Variants in PRKG1 observed in about 807,000 individuals in gnomAD.
PRKG1 encodes the protein protein kinase cGMP-dependent 1, also known as cGMP-dependent protein kinase 1.
PRKG1 carries 35 observed loss-of-function variants against 88.1 expected under a neutral mutation model. That is an observed-to-expected ratio of 0.40 (90% confidence interval 0.30 to 0.53). The LOEUF (loss-of-function observed/expected upper bound fraction) is 0.53, where lower values mean the gene tolerates loss of function less well. Ranked by LOEUF, PRKG1 falls within the 20% of genes least tolerant of loss-of-function variation. The probability of loss-of-function intolerance (pLI) is 0.59; values close to 1 mark genes in which losing one functional copy is unlikely to be tolerated. For synonymous variants in PRKG1, 303 were observed against 292.5 expected, an observed-to-expected ratio of 1.04 and a Z score of -0.37; for missense variants, 540 against 839.8, an observed-to-expected ratio of 0.64 and a Z score of 4.41.
intron 10 of PRKG1, among the ~76,000 whole-genome samples, chr10:52,268,336 CT>C: frequency 6.6e-6 from 1 of 152,066 alleles, no homozygotes; most frequent in Non-Finnish European, 1.5e-5. Flanking sequence ...CTTTCTGTAG[CT>C]TTTACCTATC....
chr10:52,181,416 CTTCTTTTTTTTTTTT>C (rs1451460401), intron 9 of PRKG1, among the ~76,000 whole-genome samples: 1 of 90,662 alleles, frequency 1.1e-5, no homozygotes, highest in African/African-American at 4.4e-5. Context: ...GCTCACAGCT[CTTCTTTTTTTTTTTT>C]TTTTTTTTTT....
intron 5 of PRKG1, among the ~76,000 whole-genome samples, chr10:52,025,152 C>G (rs748000056): frequency 6.6e-6 from 1 of 152,150 alleles, no homozygotes; most frequent in Admixed American, 6.5e-5. Context: ...CCATTCATAT[C>G]GTTTGCCCAC....
chr10:51,334,191 T>A (rs1390132432), intron 2 of PRKG1, among the ~76,000 whole-genome samples: 1 of 127,808 alleles, frequency 7.8e-6, no homozygotes, highest in Non-Finnish European at 1.7e-5. Flanking sequence ...TCTCTCTCTC[T>A]CACTCACACA....
At chr10:51,645,054 T>C (rs1839883794) in intron 3 of PRKG1, among the ~76,000 whole-genome samples, 1 of 152,166 alleles carries the variant, frequency 6.6e-6, no homozygotes, top group Admixed American at 6.6e-5. Flanking sequence ...ACTCCTGATA[T>C]CAAGTGATCT....
At chr10:51,023,520 A>G (rs1564573547) in intron 1 of PRKG1, among the ~76,000 whole-genome samples, 2 of 152,318 alleles carry the variant, frequency 1.3e-5, no homozygotes, top group Non-Finnish European at 2.9e-5. Context: ...GAAAACTAGA[A>G]GAAATCGTGA....
intron 4 of PRKG1, among the ~76,000 whole-genome samples, chr10:51,855,468 C>T (rs1046361732): frequency 4.6e-5 from 7 of 152,184 alleles, no homozygotes; most frequent in Admixed American, 2.0e-4. Context: ...TGCTGCTCCA[C>T]TCTATGTGAA....
At chr10:51,483,066 G>A (rs1260906874) in intron 3 of PRKG1, among the ~76,000 whole-genome samples, 1 of 133,294 alleles carries the variant, frequency 7.5e-6, no homozygotes, top group Non-Finnish European at 1.5e-5. Context: ...AGGCTGGAAT[G>A]CAGTGATTCA....
intron 3 of PRKG1, among the ~76,000 whole-genome samples, chr10:51,542,579 A>T (rs1426480780): frequency 6.6e-6 from 1 of 152,198 alleles, no homozygotes; most frequent in Non-Finnish European, 1.5e-5. Context: ...TTTTAACTCC[A>T]TGCTGGGGCC....
chr10:50,999,459 C>T (rs192668692), intron 1 of PRKG1, among the ~76,000 whole-genome samples: 226 of 152,320 alleles, frequency 1.5e-3, no homozygotes, highest in African/African-American at 5.3e-3. Flanking sequence ...ATTATCCTCT[C>T]GGACTTATTC....
At chr10:51,958,118 A>G (rs1843357397) in intron 5 of PRKG1, among the ~76,000 whole-genome samples, 1 of 152,172 alleles carries the variant, frequency 6.6e-6, no homozygotes, top group Non-Finnish European at 1.5e-5. Flanking sequence ...CTTTGACTAG[A>G]GCAGATGTTC....
At chr10:51,237,537 C>A (rs1273134236) in intron 2 of PRKG1, among the ~76,000 whole-genome samples, 1 of 152,150 alleles carries the variant, frequency 6.6e-6, no homozygotes, top group Non-Finnish European at 1.5e-5. Context: ...CCAAAGGAAT[C>A]CTTACTATGT....
intron 3 of PRKG1, among the ~76,000 whole-genome samples, chr10:51,650,692 A>G (rs1840018243): frequency 6.6e-6 from 1 of 152,182 alleles, no homozygotes; most frequent in Non-Finnish European, 1.5e-5. Context: ...TAAGTTTGGG[A>G]ATATTTTAGA....
At chr10:51,557,940 A>G (rs114317499) in intron 3 of PRKG1, among the ~76,000 whole-genome samples, 2 of 152,224 alleles carry the variant, frequency 1.3e-5, no homozygotes, top group South Asian at 4.1e-4. Context: ...ATCAATAGAA[A>G]TATTGGATTC....
intron 9 of PRKG1, among the ~76,000 whole-genome samples, chr10:52,174,544 A>T (rs1049636665): frequency 6.6e-6 from 1 of 152,066 alleles, no homozygotes; most frequent in African/African-American, 2.4e-5. Flanking sequence ...TCAAGATGTG[A>T]TTACCGTACT....
At chr10:52,152,671 G>A (rs762950592) in intron 8 of PRKG1, among the ~76,000 whole-genome samples, 1 of 152,102 alleles carries the variant, frequency 6.6e-6, no homozygotes, top group African/African-American at 2.4e-5. Flanking sequence ...AGAGTGACAC[G>A]ATCTGATTTA....
At chr10:52,279,681 C>G (rs572233975) in intron 12 of PRKG1, among the ~76,000 whole-genome samples, 7 of 151,992 alleles carry the variant, frequency 4.6e-5, no homozygotes, top group Non-Finnish European at 8.8e-5. Flanking sequence ...CACCAAAATG[C>G]AAACAGGCAT....
At chr10:52,230,249 A>G (rs1840490181) in intron 9 of PRKG1, among the ~76,000 whole-genome samples, 1 of 152,210 alleles carries the variant, frequency 6.6e-6, no homozygotes, top group African/African-American at 2.4e-5. Context: ...TCTCATACCT[A>G]GATCCCAGCC....
intron 5 of PRKG1, among the ~76,000 whole-genome samples, chr10:52,041,436 C>A (rs1845753444): frequency 6.6e-6 from 1 of 152,056 alleles, no homozygotes; most frequent in Admixed American, 6.5e-5. Flanking sequence ...TATAGTTTGT[C>A]ATTTTTATTG....
At chr10:51,686,318 C>T (rs1015614350) in intron 3 of PRKG1, among the ~76,000 whole-genome samples, 4 of 152,092 alleles carry the variant, frequency 2.6e-5, no homozygotes, top group Admixed American at 2.6e-4. Context: ...ATCAAGTAGG[C>T]CCCAGTGCCT....
Sources: gnomAD v4.1 joint callset for allele counts (sites outside exome capture counted in the v4.1 genomes callset) on GRCh38, gnomAD v4.1.1 for gene constraint, MANE v1.5 for transcripts, NCBI Gene and HGNC (gene_info 2026-07-23, HGNC 2026-07-21) for gene names.